The following AK4 variants were observed in gnomAD, a reference collection of about 807,000 sequenced individuals.
AK4 encodes the protein adenylate kinase 4, mitochondrial.
Under a neutral mutation model 24.6 loss-of-function variants are expected in AK4, and 13 were observed. That is an observed-to-expected ratio of 0.53 (90% confidence interval 0.34 to 0.84). The LOEUF is 0.84. AK4 is among the 40% of genes least tolerant of loss of function. The pLI is 0.01. For synonymous variants in AK4, 88 were observed against 107.0 expected, an observed-to-expected ratio of 0.82 and a Z score of 1.10; for missense variants, 192 against 288.2, an observed-to-expected ratio of 0.67 and a Z score of 2.42.
At chr1:65,185,059 T>C (rs1459348327) in intron 1 of AK4, among the ~76,000 whole-genome samples, 1 of 152,192 alleles carries the variant, frequency 6.6e-6, no homozygotes, top group East Asian at 1.9e-4. Flanking sequence ...ACTGCTTGTG[T>C]TGAATTAACT....
At chr1:65,208,588 G>A (rs1651878290) in intron 2 of AK4, among the ~76,000 whole-genome samples, 1 of 152,196 alleles carries the variant, frequency 6.6e-6, no homozygotes, top group Non-Finnish European at 1.5e-5. Context: ...AACTATGTTA[G>A]CTCCAGATCT....
chr1:65,194,278 G>T (rs1027559077), intron 2 of AK4, among the ~76,000 whole-genome samples: 3 of 152,140 alleles, frequency 2.0e-5, no homozygotes, highest in African/African-American at 7.2e-5. Context: ...CTAGTTCATT[G>T]CTCTTAAGTT....
At chr1:65,195,862 G>C (rs949007808) in intron 2 of AK4, among the ~76,000 whole-genome samples, 5 of 152,178 alleles carry the variant, frequency 3.3e-5, no homozygotes, top group Admixed American at 3.3e-4. Context: ...TAGCCAGGCA[G>C]AATAAAAGTC....
At chr1:65,221,115 A>C (rs1461688157) in intron 3 of AK4, among the ~76,000 whole-genome samples, 2 of 152,236 alleles carry the variant, frequency 1.3e-5, no homozygotes, top group African/African-American at 4.8e-5. Flanking sequence ...AAATTTTCTT[A>C]AAGAATTATT....
intron 2 of AK4, among the ~76,000 whole-genome samples, chr1:65,193,755 T>C (rs1651382356): frequency 6.6e-6 from 1 of 152,222 alleles, no homozygotes; most frequent in African/African-American, 2.4e-5. Flanking sequence ...CTGCAAATAC[T>C]GTATGCATTT....
intron 2 of AK4, among the ~76,000 whole-genome samples, chr1:65,207,134 T>G (rs1246924585): frequency 6.6e-6 from 1 of 152,220 alleles, no homozygotes; most frequent in Non-Finnish European, 1.5e-5. Flanking sequence ...CTTCTGCTTA[T>G]CAGTGGATCA....
chr1:65,190,867 T>C (rs1159960938), intron 2 of AK4, 38 bp downstream of exon 2: 1 of 1,610,638 alleles, frequency 6.2e-7, no homozygotes, highest in Non-Finnish European at 8.5e-7. Flanking sequence ...TTTCTGGGAA[T>C]AGTCAGTTAA....
chr1:65,204,913 C>G (rs1051324862), intron 2 of AK4, among the ~76,000 whole-genome samples: 2 of 152,124 alleles, frequency 1.3e-5, no homozygotes, highest in East Asian at 1.9e-4. Flanking sequence ...TGATTAATCT[C>G]TTGGTTATAT....
chr1:65,166,280 G>A (rs1557441557), intron 1 of AK4, among the ~76,000 whole-genome samples: 1 of 151,396 alleles, frequency 6.6e-6, no homozygotes. Context: ...GTGGTGCTTT[G>A]AATGGAAGCA....
intron 1 of AK4, among the ~76,000 whole-genome samples, chr1:65,157,576 G>C (rs1650023018): frequency 6.6e-6 from 1 of 152,184 alleles, no homozygotes; most frequent in African/African-American, 2.4e-5. Flanking sequence ...TAGAGACCAA[G>C]TGTCCAAGAC....
intron 1 of AK4, among the ~76,000 whole-genome samples, chr1:65,165,017 A>G (rs1201795151): frequency 6.6e-6 from 1 of 152,242 alleles, no homozygotes; most frequent in African/African-American, 2.4e-5. Flanking sequence ...GTCTATTCCA[A>G]AAGCATTTTG....
chr1:65,195,704 T>A (rs1255421319), intron 2 of AK4, among the ~76,000 whole-genome samples: 1 of 152,156 alleles, frequency 6.6e-6, no homozygotes, highest in East Asian at 1.9e-4. Flanking sequence ...TGAGCAAATA[T>A]ATGTAAAGTG....
rs1232126566 is a variant in AK4 at position 65,229,147 on chromosome 1, C to G, written c.*2970C>G. The G allele has an allele frequency of 6.6e-6, 1 of 152,122 alleles. No individual in the cohort carries two copies. The highest frequency in any genetic ancestry group is 2.4e-5 in the African/African-American group (1 of 41,408). 9.4% of individuals were successfully genotyped at this position (152,122 alleles called of 1,614,324 possible). On this transcript the variant is annotated 3_prime_UTR_variant, in exon 5 of 5. Coordinates refer to ENST00000327299, the MANE Select transcript of AK4 (RefSeq NM_013410.4). ...TAGCCAGGACTCCAGCCCAGGTTTT[C>G]CTGACTCAGAAGACTGAGCTTTTTC...
At chr1:65,150,867 GCT>G (rs1277984172) in intron 1 of AK4, among the ~76,000 whole-genome samples, 1 of 152,168 alleles carries the variant, frequency 6.6e-6, no homozygotes, top group Non-Finnish European at 1.5e-5. Flanking sequence ...GTGAAAAGCT[GCT>G]CTTTCAGGAA....
intron 1 of AK4, among the ~76,000 whole-genome samples, chr1:65,177,201 G>A (rs1487273529): frequency 6.6e-6 from 1 of 151,718 alleles, no homozygotes; most frequent in Non-Finnish European, 1.5e-5. Flanking sequence ...TTGAAGACGG[G>A]TGTATTCCAT....
chr1:65,200,532 C>G (rs1267560263), intron 2 of AK4, among the ~76,000 whole-genome samples: 6 of 152,220 alleles, frequency 3.9e-5, no homozygotes, highest in Non-Finnish European at 7.3e-5. Context: ...AATTTTAGCA[C>G]ACTGCCATCT....
At chr1:65,211,830 G>C (rs919653999) in intron 2 of AK4, among the ~76,000 whole-genome samples, 8 of 152,166 alleles carry the variant, frequency 5.3e-5, no homozygotes, top group African/African-American at 1.9e-4. Context: ...AATCATATAT[G>C]GCAAATGGTG....
At chr1:65,164,162 G>A (rs961992256) in intron 1 of AK4, among the ~76,000 whole-genome samples, 1 of 152,112 alleles carries the variant, frequency 6.6e-6, no homozygotes, top group African/African-American at 2.4e-5. Context: ...GGGTCTTTTC[G>A]GGAAAGGGCT....
Position 65,172,063 on chromosome 1 carries a change from G to A in AK4, c.146-18647G>A, listed in dbSNP as rs868681327. On this transcript the variant is annotated intron_variant, in intron 1 of 4. Transcript: ENST00000327299. ...GCAACAGAGAGAGACTCCATCTCAAGTATATATATATATATATATATATAT... is the reference window on the plus strand; with the variant it reads ...GCAACAGAGAGAGACTCCATCTCAAATATATATATATATATATATATATAT... 2.9e-3 allele frequency among the ~76,000 whole-genome samples: 190 copies of A among 65,756 alleles called. 4 individuals carry two copies. Among genetic ancestry groups the A allele is most frequent in the Non-Finnish European group, 6.2e-3 (159 of 25,448 alleles). 43.1% of individuals were successfully genotyped at this position (65,756 alleles called of 152,430 possible). A position where few individuals can be genotyped will look rare whatever the true frequency, so the allele number is the denominator to read the frequency against.
Sources: gnomAD v4.1 joint callset for allele counts (sites outside exome capture counted in the v4.1 genomes callset) on GRCh38, gnomAD v4.1.1 for gene constraint, MANE v1.5 for transcripts, NCBI Gene and HGNC (gene_info 2026-07-23, HGNC 2026-07-21) for gene names.